URM1: variants seen among roughly 807,000 people sequenced by gnomAD.
The protein encoded by URM1 is ubiquitin related modifier 1.
A neutral mutation model predicts 17.7 loss-of-function variants in URM1; 11 were observed. That is an observed-to-expected ratio of 0.62 (90% CI 0.39 to 1.03). The LOEUF (loss-of-function observed/expected upper bound fraction) is 1.03. Among genes scored for constraint, URM1 ranks in the 50% least tolerant of loss-of-function variants. The pLI, the probability that URM1 is intolerant of heterozygous loss-of-function variation, is 0.00. For missense variants in URM1, 128 were observed against 129.2 expected, an observed-to-expected ratio of 0.99 and a Z score of 0.04; for synonymous variants, 48 against 50.6, an observed-to-expected ratio of 0.95 and a Z score of 0.22.
rs187942668 is a variant in URM1, at chr9:128,391,632, C to T, written c.*1898C>T. ...CCCTGAGCTGCAGGAGCGGCCCCAT[C>T]AGTGCACCTGATTGGAACACACTAG... On this transcript the variant is annotated 3_prime_UTR_variant, in exon 5 of 5. Coordinates refer to ENST00000372853, the MANE Select transcript of URM1 (RefSeq NM_030914.4). 1 of 152,388 alleles carries T rather than the reference C, an allele frequency of 6.6e-6. No homozygotes were observed. The highest frequency in any genetic ancestry group is 6.5e-5 in the Admixed American group (1 of 15,306). The allele number at this position is 152,388 out of a possible 1,614,324, so 9.4% of individuals were successfully genotyped here.
intron 1 of URM1, among the ~76,000 whole-genome samples, chr9:128,374,033 TG>T (rs1206759350): frequency 6.6e-6 from 1 of 151,718 alleles, no homozygotes; most frequent in South Asian, 2.1e-4. Flanking sequence ...CACCAAGAAT[TG>T]GGGGGGTTGA....
Position 128,390,776 on chromosome 9 carries a change from A to G in URM1, c.*1042A>G, listed in dbSNP as rs1833301685. The G allele has an allele frequency of 6.6e-6, 1 of 152,440 alleles. No individual in the cohort carries two copies. Among genetic ancestry groups the G allele is most frequent in the Non-Finnish European group, 1.5e-5 (1 of 68,086 alleles). The allele number at this position is 152,440 out of a possible 1,614,324, so 9.4% of individuals were successfully genotyped here. A position where few individuals can be genotyped will look rare whatever the true frequency, so the allele number is the denominator to read the frequency against. On this transcript the variant is annotated 3_prime_UTR_variant, in exon 5 of 5. Coordinates refer to ENST00000372853, the MANE Select transcript of URM1 (RefSeq NM_030914.4). ...CATCCTTGGAAACGGGTGGCACCTC[A>G]TATCCCCCCAGCCGTGGTCTGTGAT...
At chr9:128,372,589 G>C (rs1282686795) in intron 1 of URM1, among the ~76,000 whole-genome samples, 1 of 152,168 alleles carries the variant, frequency 6.6e-6, no homozygotes, top group Non-Finnish European at 1.5e-5. Context: ...TCATGACTAA[G>C]TGCATTTTAA....
intron 1 of URM1, among the ~76,000 whole-genome samples, chr9:128,373,936 A>G (rs3003619): frequency 6.6e-6 from 1 of 152,254 alleles, no homozygotes; most frequent in Non-Finnish European, 1.5e-5. Flanking sequence ...GTGTATATAC[A>G]GAAGATTAAA....
intron 4 of URM1, 129 bp downstream of exon 4, chr9:128,389,438 G>T (rs1279162119): frequency 1.3e-6 from 2 of 1,582,632 alleles, no homozygotes; most frequent in Non-Finnish European, 1.7e-6. Flanking sequence ...GCCCCACACT[G>T]AGGCTGCTGG....
intron 3 of URM1, 173 bp downstream of exon 3, chr9:128,388,070 T>C (rs1370077878): frequency 1.5e-6 from 2 of 1,351,486 alleles, no homozygotes; most frequent in East Asian, 5.5e-5. Flanking sequence ...ACCGAACTCT[T>C]GAGGATTTTT....
chr9:128,381,254 G>A (rs1451343626), intron 2 of URM1, among the ~76,000 whole-genome samples: 1 of 152,220 alleles, frequency 6.6e-6, no homozygotes, highest in Non-Finnish European at 1.5e-5. Flanking sequence ...AGTAGAGTTA[G>A]CAGTGTAATG....
At chr9:128,375,244 T>C (rs942366633) in intron 1 of URM1, among the ~76,000 whole-genome samples, 1 of 152,202 alleles carries the variant, frequency 6.6e-6, no homozygotes, top group African/African-American at 2.4e-5. Flanking sequence ...CCAGGCCTCA[T>C]GGACTCTCTC....
chr9:128,380,429 A>G (rs1833143958), intron 2 of URM1, among the ~76,000 whole-genome samples: 1 of 152,082 alleles, frequency 6.6e-6, no homozygotes, highest in Non-Finnish European at 1.5e-5. Context: ...TGGTCGAGGA[A>G]GACATGGGGT....
intron 2 of URM1, among the ~76,000 whole-genome samples, chr9:128,381,246 T>C (rs560684835): frequency 6.6e-6 from 1 of 152,324 alleles, no homozygotes; most frequent in African/African-American, 2.4e-5. Flanking sequence ...CTTGCCCTAG[T>C]AGAGTTAGCA....
rs552507495 is a variant in URM1, at chr9:128,376,647, C to T, written c.36-1389C>T. 5.3e-5 allele frequency among the ~76,000 whole-genome samples: 8 copies of T among 151,812 alleles called. No homozygotes were observed. The South Asian group carries it at 6.2e-4, about 12-fold the overall frequency. On this transcript the variant is annotated intron_variant, in intron 1 of 4. Coordinates refer to ENST00000372853, the MANE Select transcript of URM1 (RefSeq NM_030914.4). ...CTGCACTCCAGCCTGGGCGACAGAG[C>T]GAGACTCTGTCTCAATAAATAAATT...
intron 2 of URM1, among the ~76,000 whole-genome samples, chr9:128,380,967 G>A (rs1833152140): frequency 6.6e-6 from 1 of 152,134 alleles, no homozygotes; most frequent in Admixed American, 6.5e-5. Flanking sequence ...TGGGACTACA[G>A]GTGCCTGCCA....
intron 2 of URM1, among the ~76,000 whole-genome samples, chr9:128,385,633 G>C (rs778158940): frequency 2.0e-5 from 3 of 152,076 alleles, no homozygotes; most frequent in Admixed American, 1.3e-4. Context: ...TCCCCTGGGC[G>C]CCTTTGGAAG....
intron 2 of URM1, among the ~76,000 whole-genome samples, chr9:128,378,766 C>T (rs1286100527): frequency 1.3e-5 from 2 of 150,626 alleles, no homozygotes; most frequent in Admixed American, 1.3e-4. Context: ...ACCAACATGG[C>T]GAAATCCCAT....
In URM1 at chr9:128,387,857, CT is replaced by C; in HGVS notation, c.149del (p.Leu50GlnfsTer21). ...NLLIWIKKNL[L>X]KERPELFIQG... Reference sequence around the variant, plus strand: ...GCTCATCTGGATCAAGAAGAATTTGCTAAAAGAGCGGCCAGAGTTGTTCATC... The same window carrying C: ...GCTCATCTGGATCAAGAAGAATTTGCAAAAGAGCGGCCAGAGTTGTTCATC... On this transcript the variant is annotated frameshift_variant, in exon 3 of 5. Transcript: ENST00000372853. LOFTEE classifies it high-confidence loss of function. This position sits in a 1 kb window ranked among gnomAD's most constrained non-coding sequence, Gnocchi z 4.3. 6.2e-7 allele frequency: 1 copy of C among 1,614,100 alleles called. No individual in the cohort carries two copies. The highest frequency in any genetic ancestry group is 2.2e-5 in the East Asian group (1 of 44,872).
intron 2 of URM1, among the ~76,000 whole-genome samples, chr9:128,382,029 G>T (rs1833165658): frequency 6.6e-6 from 1 of 152,218 alleles, no homozygotes; most frequent in Admixed American, 6.5e-5. Context: ...GGCCTGCCCA[G>T]AGTTACCCAA....
chr9:128,388,715 C>T (rs1833262486), intron 3 of URM1: 1 of 986,752 alleles, frequency 1.0e-6, no homozygotes, highest in Non-Finnish European at 1.2e-6. Context: ...TTATGCCAGG[C>T]AGGACTGCAC....
chr9:128,371,887 T>C (rs1228415612), intron 1 of URM1, among the ~76,000 whole-genome samples: 6 of 152,210 alleles, frequency 3.9e-5, no homozygotes, highest in Non-Finnish European at 8.8e-5. Context: ...TTTCTTTTTC[T>C]TTCCTAAGAC....
At chr9:128,385,972 C>T (rs965868597) in intron 2 of URM1, among the ~76,000 whole-genome samples, 3 of 152,198 alleles carry the variant, frequency 2.0e-5, no homozygotes, top group Admixed American at 6.6e-5. Flanking sequence ...CCCAGCTTGT[C>T]CCTCTGGGAC....
Sources: allele counts gnomAD v4.1 joint callset (sites outside exome capture counted in the v4.1 genomes callset), GRCh38; gene constraint gnomAD v4.1.1; non-coding constraint Gnocchi (gnomAD v3.1); transcripts MANE v1.5; gene names NCBI Gene and HGNC (gene_info 2026-07-23, HGNC 2026-07-21).